Variants in RARB observed in about 807,000 individuals in gnomAD.
RARB encodes the protein HBV-activated protein.
A neutral mutation model predicts 51.9 loss-of-function variants in RARB; 17 were observed. That is an observed-to-expected ratio of 0.33 (90% CI 0.22 to 0.49). RARB has a LOEUF of 0.49. Among genes scored for constraint, RARB ranks in the 20% least tolerant of loss-of-function variants. RARB has a pLI of 0.99. For synonymous variants in RARB, 215 were observed against 195.4 expected, an observed-to-expected ratio of 1.10 and a Z score of -0.84; for missense variants, 369 against 550.8, an observed-to-expected ratio of 0.67 and a Z score of 3.30.
rs1401502616 is a variant in RARB at position 24,990,112 on chromosome 3, T to C, written c.-379-70013T>C. Among the ~76,000 whole-genome samples the C allele has an allele frequency of 1.2e-4, 6 of 50,042 alleles. 2 individuals carry two copies. Among genetic ancestry groups the C allele is most frequent in the African/African-American group, 5.1e-4 (6 of 11,702 alleles). 32.8% of individuals were successfully genotyped at this position (50,042 alleles called of 152,430 possible). A position where few individuals can be genotyped will look rare whatever the true frequency, so the allele number is the denominator to read the frequency against. On this transcript the variant is annotated intron_variant, in intron 2 of 11. Coordinates refer to the RARB transcript ENST00000383772. ...CCGCGCCCTGCCTTTCTTTTTAATATAATGGAACTTTTCTTTTTTTTTTTT... is the reference window on the plus strand; with the variant it reads ...CCGCGCCCTGCCTTTCTTTTTAATACAATGGAACTTTTCTTTTTTTTTTTT...
At chr3:25,366,429 T>C (rs1267864403) in intron 5 of RARB, among the ~76,000 whole-genome samples, 1 of 152,216 alleles carries the variant, frequency 6.6e-6, no homozygotes, top group Non-Finnish European at 1.5e-5. Flanking sequence ...CAATTGCAAT[T>C]AAGTGCCAAT....
chr3:24,959,906 G>C (rs1696101564), intron 2 of RARB, among the ~76,000 whole-genome samples: 1 of 152,190 alleles, frequency 6.6e-6, no homozygotes, highest in South Asian at 2.1e-4. Context: ...TACATTTTAA[G>C]ACATAGTTGT....
At chr3:25,183,647 A>G (rs1304999147) in intron 5 of RARB, among the ~76,000 whole-genome samples, 1 of 152,178 alleles carries the variant, frequency 6.6e-6, no homozygotes, top group Non-Finnish European at 1.5e-5. Flanking sequence ...TATCTTGAAC[A>G]TCGCCTTATT....
At chr3:25,137,506 G>GTT (rs1165376149) in intron 4 of RARB, among the ~76,000 whole-genome samples, 1 of 151,854 alleles carries the variant, frequency 6.6e-6, no homozygotes, top group Admixed American at 6.6e-5. Flanking sequence ...AAATTAGTTT[G>GTT]GTCAGATATA....
chr3:25,522,773 C>T (rs1559449496), intron 3 of RARB, among the ~76,000 whole-genome samples: 1 of 152,138 alleles, frequency 6.6e-6, no homozygotes, highest in Non-Finnish European at 1.5e-5. Flanking sequence ...CATCTCCATT[C>T]CTGTCTTGCC....
At position 25,162,809 on chromosome 3, in the gene RARB, G is replaced by C. The variant is rs895767614; in HGVS notation, c.-279-11310G>C. Among the ~76,000 whole-genome samples, 5 of 152,150 alleles carry C rather than the reference G, an allele frequency of 3.3e-5. No homozygotes were observed. The East Asian group carries it at 9.7e-4, about 29-fold the overall frequency. Reference sequence around the variant, plus strand: ...AATTTTGTATAGATGGACCACTTTTGTTTATTCATCAATTAATGGACACTT... The same window carrying C: ...AATTTTGTATAGATGGACCACTTTTCTTTATTCATCAATTAATGGACACTT... On this transcript the variant is annotated intron_variant, in intron 4 of 11. Transcript: ENST00000383772.
At chr3:24,886,727 C>T (rs552107970) in intron 2 of RARB, among the ~76,000 whole-genome samples, 20 of 152,204 alleles carry the variant, frequency 1.3e-4, no homozygotes, top group Admixed American at 2.0e-4. Flanking sequence ...TGACCCACCG[C>T]GCCTAACCTG....
At chr3:25,441,110 A>G (rs1708659570) in intron 1 of RARB, 1 of 155,662 alleles carries the variant, frequency 6.4e-6, no homozygotes, top group Non-Finnish European at 1.4e-5. Flanking sequence ...TGGGAATGAA[A>G]TGTTTCCCAT....
chr3:25,096,867 T>G (rs1699301981), intron 3 of RARB, among the ~76,000 whole-genome samples: 1 of 152,192 alleles, frequency 6.6e-6, no homozygotes, highest in Admixed American at 6.5e-5. Flanking sequence ...ACTACTTCAT[T>G]GACTAAGAAG....
chr3:25,210,400 G>A (rs962916060), intron 5 of RARB, among the ~76,000 whole-genome samples: 3 of 152,006 alleles, frequency 2.0e-5, no homozygotes, highest in African/African-American at 7.2e-5. Context: ...CTACTTGAGT[G>A]AACAAGATTT....
At chr3:24,863,879 C>G (rs150989392) in intron 2 of RARB, among the ~76,000 whole-genome samples, 13 of 152,188 alleles carry the variant, frequency 8.5e-5, no homozygotes, top group African/African-American at 3.1e-4. Flanking sequence ...TGTTTCCATT[C>G]TTCCTGCCCA....
At chr3:25,425,795 G>A (rs907634739), upstream of RARB, among the ~76,000 whole-genome samples, 6 of 152,154 alleles carry the variant, frequency 3.9e-5, no homozygotes, top group African/African-American at 7.2e-5. Flanking sequence ...CTTAAGAAAT[G>A]AGAATGAACA....
At position 25,366,881 on chromosome 3, in the gene RARB, G is replaced by T. The variant is rs577441764; in HGVS notation, c.179-94312G>T. 6.9e-4 allele frequency among the ~76,000 whole-genome samples: 105 copies of T among 152,262 alleles called. No homozygotes were observed. In the South Asian group the frequency reaches 9.5e-3, roughly 14 times the overall value. The stretch of plus-strand genomic sequence containing the variant: ...ATGAGGTAAAGAGATTACTTGCAGA[G>T]TGGTGAACATATTGTTAGGCCCAAA... On this transcript the variant is annotated intron_variant, in intron 5 of 11. Coordinates refer to the RARB transcript ENST00000383772.
chr3:25,507,306 G>A (rs970839241), intron 3 of RARB, among the ~76,000 whole-genome samples: 1 of 118,146 alleles, frequency 8.5e-6, no homozygotes, highest in African/African-American at 2.5e-5. Context: ...CTTCTCCCTG[G>A]CTTTACTTTC....
At chr3:25,369,141 A>C (rs1393362997) in intron 5 of RARB, among the ~76,000 whole-genome samples, 1 of 152,208 alleles carries the variant, frequency 6.6e-6, no homozygotes, top group African/African-American at 2.4e-5. Context: ...ATAAACATCT[A>C]TGTGGTAATC....
intron 3 of RARB, among the ~76,000 whole-genome samples, chr3:25,107,823 C>G (rs1051112359): frequency 2.0e-5 from 3 of 152,138 alleles, no homozygotes; most frequent in African/African-American, 7.2e-5. Context: ...CTCACAATTT[C>G]GTGGATAAAA....
chr3:25,051,005 T>C (rs1053902103), intron 2 of RARB, among the ~76,000 whole-genome samples: 2 of 152,188 alleles, frequency 1.3e-5, no homozygotes, highest in Non-Finnish European at 2.9e-5. Flanking sequence ...TACTGTTGTC[T>C]CATCTCTCAC....
At chr3:25,541,610 A>C (rs937730429) in intron 3 of RARB, among the ~76,000 whole-genome samples, 1 of 152,222 alleles carries the variant, frequency 6.6e-6, no homozygotes, top group African/African-American at 2.4e-5. Flanking sequence ...ACAGTCAAAA[A>C]GGGAGAGTTT....
intron 4 of RARB, among the ~76,000 whole-genome samples, chr3:25,144,089 G>A: frequency 6.6e-6 from 1 of 152,264 alleles, no homozygotes; most frequent in African/African-American, 2.4e-5. Flanking sequence ...CTCACCTGTT[G>A]CTGACAACCT....
Sources: gnomAD v4.1 joint callset for allele counts (sites outside exome capture counted in the v4.1 genomes callset) on GRCh38, gnomAD v4.1.1 for gene constraint, MANE v1.5 for transcripts, NCBI Gene and HGNC (gene_info 2026-07-23, HGNC 2026-07-21) for gene names.